The following NKAIN2 variants were observed in gnomAD, a reference collection of about 807,000 sequenced individuals.
The protein encoded by NKAIN2 is sodium/potassium-transporting ATPase subunit beta-1-interacting protein 2.
In NKAIN2, 14 loss-of-function variants were observed where a neutral mutation model predicts 32.6. The observed-to-expected ratio is 0.43, with a 90% CI of 0.28 to 0.67. The LOEUF is 0.67. NKAIN2 is among the 30% of genes least tolerant of loss of function. The pLI, the probability that NKAIN2 is intolerant of heterozygous loss-of-function variation, is 0.17. For synonymous variants in NKAIN2, 80 were observed against 87.2 expected (o/e 0.92, Z 0.46); for missense variants, 198 against 258.3 (o/e 0.77, Z 1.60).
intron 4 of NKAIN2, among the ~76,000 whole-genome samples, chr6:124,740,460 G>GTGTGTGTGTC (rs1315706429): frequency 6.6e-6 from 1 of 150,544 alleles, no homozygotes; most frequent in Non-Finnish European, 1.5e-5. Context: ...GTGTGTGTGT[G>GTGTGTGTGTC]TGTGTGTGTG....
chr6:124,436,708 G>A (rs1775462625), intron 3 of NKAIN2, among the ~76,000 whole-genome samples: 2 of 152,022 alleles, frequency 1.3e-5, no homozygotes, highest in South Asian at 2.1e-4. Flanking sequence ...TGCCAACCTG[G>A]TCCAGGCCAC....
rs999698416 is a variant in NKAIN2 at position 124,342,418 on chromosome 6, A to C, written c.193-12849A>C. 1.5e-4 allele frequency among the ~76,000 whole-genome samples: 22 copies of C among 151,402 alleles called. 1 individual carries two copies. Among genetic ancestry groups the C allele is most frequent in the Admixed American group, 1.2e-3 (19 of 15,234 alleles). Reference sequence around the variant, plus strand: ...AGTGAGACTCCATCTCAAAAAAAAAAAAAACAAAACACCTTTATTATTAAT... The same window carrying C: ...AGTGAGACTCCATCTCAAAAAAAAACAAAACAAAACACCTTTATTATTAAT... On this transcript the variant is annotated intron_variant, in intron 2 of 6. Transcript: ENST00000368417.
chr6:124,277,165 C>A (rs1156682418), intron 1 of NKAIN2, among the ~76,000 whole-genome samples: 1 of 151,916 alleles, frequency 6.6e-6, no homozygotes, highest in Non-Finnish European at 1.5e-5. Flanking sequence ...CTCTGTGGGG[C>A]AGGAAACAAA....
At chr6:124,727,063 G>A (rs1395838791) in intron 4 of NKAIN2, among the ~76,000 whole-genome samples, 1 of 152,026 alleles carries the variant, frequency 6.6e-6, no homozygotes, top group Non-Finnish European at 1.5e-5. Context: ...TATGTGAAAA[G>A]ACCAAATCTA....
At chr6:124,651,904 C>A (rs968964378) in intron 3 of NKAIN2, among the ~76,000 whole-genome samples, 2 of 152,192 alleles carry the variant, frequency 1.3e-5, no homozygotes, top group Non-Finnish European at 2.9e-5. Flanking sequence ...CTTGGCCATA[C>A]CCTTGGATTT....
intron 3 of NKAIN2, among the ~76,000 whole-genome samples, chr6:124,612,871 C>T (rs772729329): frequency 3.9e-5 from 6 of 151,992 alleles, no homozygotes; most frequent in Admixed American, 6.6e-5. Context: ...CTATTATTTG[C>T]ATGAGAGAGT....
intron 1 of NKAIN2, among the ~76,000 whole-genome samples, chr6:124,251,629 A>T (rs1160821510): frequency 1.3e-5 from 2 of 152,058 alleles, no homozygotes; most frequent in Non-Finnish European, 2.9e-5. Context: ...CAAAGTGATA[A>T]TTAAATCCAC....
chr6:124,221,821 C>T (rs1335635168), intron 1 of NKAIN2, among the ~76,000 whole-genome samples: 1 of 152,020 alleles, frequency 6.6e-6, no homozygotes, highest in East Asian at 1.9e-4. Flanking sequence ...TAGAAAAATG[C>T]CACTATACTT....
intron 3 of NKAIN2, among the ~76,000 whole-genome samples, chr6:124,492,858 T>G (rs112402971): frequency 0.011 from 1,747 of 152,126 alleles, 35 homozygotes; most frequent in African/African-American, 0.04. Flanking sequence ...ATTTTGCCAC[T>G]AGTGAACTTC....
chr6:124,746,833 A>G (rs936001470), intron 4 of NKAIN2, among the ~76,000 whole-genome samples: 2 of 151,854 alleles, frequency 1.3e-5, no homozygotes, highest in Non-Finnish European at 2.9e-5. Context: ...CATCTTACAG[A>G]GTCTCAGCTT....
At chr6:124,733,015 G>T (rs550367303) in intron 4 of NKAIN2, among the ~76,000 whole-genome samples, 2 of 152,010 alleles carry the variant, frequency 1.3e-5, no homozygotes, top group South Asian at 4.1e-4. Flanking sequence ...ACAAAAAAAA[G>T]TGGATGGACC....
intron 1 of NKAIN2, among the ~76,000 whole-genome samples, chr6:123,896,054 C>T (rs1473296335): frequency 6.6e-6 from 1 of 152,178 alleles, no homozygotes. Context: ...TTTGCAGCTG[C>T]ATCTGCATCT....
At chr6:124,088,908 A>G (rs1301771868) in intron 1 of NKAIN2, among the ~76,000 whole-genome samples, 1 of 152,068 alleles carries the variant, frequency 6.6e-6, no homozygotes, top group Non-Finnish European at 1.5e-5. Context: ...TTGGCATAGA[A>G]AACTATATTT....
intron 4 of NKAIN2, among the ~76,000 whole-genome samples, chr6:124,733,689 G>T (rs1401790118): frequency 6.6e-6 from 1 of 151,756 alleles, no homozygotes; most frequent in Non-Finnish European, 1.5e-5. Flanking sequence ...TGGGGTAATG[G>T]ATTAGAATTG....
At chr6:124,453,309 A>G (rs1284366324) in intron 3 of NKAIN2, among the ~76,000 whole-genome samples, 2 of 132,604 alleles carry the variant, frequency 1.5e-5, no homozygotes, top group Non-Finnish European at 3.2e-5. Flanking sequence ...TCTCCCCCTC[A>G]TACATGCATA....
chr6:123,895,934 CT>C (rs1473974555), intron 1 of NKAIN2, among the ~76,000 whole-genome samples: 1 of 152,148 alleles, frequency 6.6e-6, no homozygotes, highest in African/African-American at 2.4e-5. Flanking sequence ...TTTTGTGTGT[CT>C]GGTAAATCAT....
intron 1 of NKAIN2, among the ~76,000 whole-genome samples, chr6:124,164,707 G>C (rs1788449363): frequency 6.6e-6 from 1 of 151,972 alleles, no homozygotes; most frequent in African/African-American, 2.4e-5. Context: ...TTTAAGTAGT[G>C]TGGGCTTAAC....
intron 1 of NKAIN2, among the ~76,000 whole-genome samples, chr6:124,054,961 TA>T (rs1270767679): frequency 2.0e-5 from 3 of 152,224 alleles, no homozygotes; most frequent in South Asian, 4.1e-4. Flanking sequence ...TATTTCAATA[TA>T]ATTCAAAGGT....
chr6:124,205,412 G>A lies in NKAIN2; in HGVS notation c.55-77593G>A, dbSNP rs75128190. ...TCTTATTGGAAAAGTCTTATATAAT[G>A]TGTCTTATCTTTACCTGTCTTCCTC... On this transcript the variant is annotated intron_variant, in intron 1 of 6. Transcript: ENST00000368417. Among the ~76,000 whole-genome samples, 593 of 151,718 alleles carry A rather than the reference G, an allele frequency of 3.9e-3. 10 individuals are homozygous for A. In the East Asian group the frequency reaches 0.057, roughly 15 times the overall value.
Sources: gnomAD v4.1 joint callset for allele counts (sites outside exome capture counted in the v4.1 genomes callset) on GRCh38, gnomAD v4.1.1 for gene constraint, MANE v1.5 for transcripts, NCBI Gene and HGNC (gene_info 2026-07-23, HGNC 2026-07-21) for gene names.